Variants in AOAH observed in about 807,000 individuals in gnomAD.
AOAH encodes acyloxyacyl hydrolase (neutrophil).
Under a neutral mutation model 92.2 loss-of-function variants are expected in AOAH, and 64 were observed. The observed-to-expected ratio is 0.69, with a 90% CI of 0.57 to 0.86. AOAH has a LOEUF of 0.86. Among genes scored for constraint, AOAH ranks in the 40% least tolerant of loss-of-function variants. The pLI, the probability that AOAH is intolerant of heterozygous loss-of-function variation, is 0.00. For missense variants in AOAH, 656 were observed against 694.6 expected, an observed-to-expected ratio of 0.94 and a Z score of 0.62; for synonymous variants, 263 against 254.5, an observed-to-expected ratio of 1.03 and a Z score of -0.32.
intron 16 of AOAH, among the ~76,000 whole-genome samples, chr7:36,538,269 C>T (rs1785211559): frequency 6.6e-6 from 1 of 152,024 alleles, no homozygotes. Context: ...ACAGTTGATC[C>T]ACCCACCTCG....
chr7:36,687,875 C>T (rs1797136002), intron 1 of AOAH, among the ~76,000 whole-genome samples: 1 of 152,124 alleles, frequency 6.6e-6, no homozygotes, highest in South Asian at 2.1e-4. Flanking sequence ...ATTGGACATT[C>T]CTATACATAA....
chr7:36,610,937 A>G (rs1791409944), intron 11 of AOAH, among the ~76,000 whole-genome samples: 1 of 152,234 alleles, frequency 6.6e-6, no homozygotes, highest in African/African-American at 2.4e-5. Flanking sequence ...ACATAGCTCA[A>G]TTGAAAACAG....
chr7:36,557,619 C>T (rs1255629303), intron 13 of AOAH, among the ~76,000 whole-genome samples: 3 of 152,242 alleles, frequency 2.0e-5, no homozygotes, highest in Non-Finnish European at 4.4e-5. Context: ...CTTTCAGGTA[C>T]ACCAATCAGA....
chr7:36,631,250 G>A (rs1308379244), intron 6 of AOAH, among the ~76,000 whole-genome samples: 1 of 152,002 alleles, frequency 6.6e-6, no homozygotes, highest in African/African-American at 2.4e-5. Flanking sequence ...GGGTGGCTGA[G>A]GCAGGAGAAT....
intron 11 of AOAH, among the ~76,000 whole-genome samples, chr7:36,608,856 CAATA>C (rs1791189422): frequency 7.7e-6 from 1 of 130,670 alleles, no homozygotes; most frequent in African/African-American, 2.9e-5. Context: ...CCAGTTTGGA[CAATA>C]AATTATATGC....
intron 1 of AOAH, among the ~76,000 whole-genome samples, chr7:36,690,420 C>T (rs2116812955): frequency 6.6e-6 from 1 of 152,268 alleles, no homozygotes; most frequent in African/African-American, 2.4e-5. Context: ...GGCTCACCTC[C>T]CCTTCCAGTT....
rs1176694566 is a variant in AOAH, at chr7:36,532,271, C to T, written c.1365+15G>A. The T allele has an allele frequency of 6.2e-7, 1 of 1,613,992 alleles. No homozygotes were observed. Among genetic ancestry groups the T allele is most frequent in the African/African-American group, 1.3e-5 (1 of 74,916 alleles). On this transcript the variant is annotated intron_variant, in intron 17 of 20. Transcript: ENST00000617537. ...GTAGGTAAGCGGGCCTTGAAGCAAGCCAGTGAGTGCTCACCTGGAGGCAGT... is the reference window on the plus strand; with the variant it reads ...GTAGGTAAGCGGGCCTTGAAGCAAGTCAGTGAGTGCTCACCTGGAGGCAGT...
At chr7:36,538,272 C>G (rs1387616766) in intron 16 of AOAH, among the ~76,000 whole-genome samples, 1 of 152,008 alleles carries the variant, frequency 6.6e-6, no homozygotes, top group Non-Finnish European at 1.5e-5. Context: ...GTTGATCCAC[C>G]CACCTCGGCC....
chr7:36,572,285 G>A (rs1425300120), intron 13 of AOAH, among the ~76,000 whole-genome samples: 1 of 152,078 alleles, frequency 6.6e-6, no homozygotes, highest in Non-Finnish European at 1.5e-5. Flanking sequence ...GATTGCTTGA[G>A]CCCAAGAATT....
rs776920854 is a variant in AOAH at position 36,620,868 on chromosome 7, T to C, written c.654-39A>G. 10 of 1,594,136 alleles carry C rather than the reference T, an allele frequency of 6.3e-6. No homozygotes were observed. In the African/African-American group the frequency reaches 1.2e-4, roughly 19 times the overall value. ...ATTAACATTGGTCTTTGACATATGC[T>C]TGTCTCTCAGTGGATGTCAGTTTCA... On this transcript the variant is annotated intron_variant, in intron 8 of 20. Coordinates refer to ENST00000617537, the MANE Select transcript of AOAH (RefSeq NM_001637.4).
At chr7:36,631,972 A>G in intron 6 of AOAH, 64 bp downstream of exon 6, 1 of 1,314,312 alleles carries the variant, frequency 7.6e-7, no homozygotes, top group Non-Finnish European at 1.1e-6. Context: ...GTCATTAGAA[A>G]AGGGGGACAA....
intron 13 of AOAH, among the ~76,000 whole-genome samples, chr7:36,559,159 A>G (rs920074347): frequency 3.3e-4 from 50 of 152,230 alleles, no homozygotes; most frequent in African/African-American, 8.9e-4. Context: ...TGTTATGGGC[A>G]TCTAGGTTGA....
In AOAH at chr7:36,685,738, G is replaced by T. The variant is rs181157612; in HGVS notation, c.223+961C>A. On this transcript the variant is annotated intron_variant, in intron 2 of 20. Transcript: ENST00000617537. Reference sequence around the variant, plus strand: ...GCTGCCATGTTTTAACTTCACAAAAGAAAGATGTAATTATGATGTGAATAT... The same window carrying T: ...GCTGCCATGTTTTAACTTCACAAAATAAAGATGTAATTATGATGTGAATAT... 1.4e-3 allele frequency among the ~76,000 whole-genome samples: 210 copies of T among 152,266 alleles called. 7 individuals are homozygous for T. In the South Asian group the frequency reaches 0.044, roughly 32 times the overall value.
At chr7:36,635,032 A>G (rs924436160) in intron 5 of AOAH, among the ~76,000 whole-genome samples, 3 of 152,160 alleles carry the variant, frequency 2.0e-5, no homozygotes. Context: ...TTCATTACAT[A>G]GTATGGGAAA....
intron 13 of AOAH, among the ~76,000 whole-genome samples, chr7:36,554,544 G>A (rs558345389): frequency 3.3e-5 from 5 of 152,308 alleles, no homozygotes; most frequent in Admixed American, 2.0e-4. Context: ...GCTTGATGGC[G>A]ATGGCATTGA....
chr7:36,561,686 G>A (rs1167572905), intron 13 of AOAH, among the ~76,000 whole-genome samples: 2 of 152,148 alleles, frequency 1.3e-5, no homozygotes, highest in African/African-American at 2.4e-5. Flanking sequence ...TTCTCTTAAT[G>A]AGAAATGAAA....
intron 19 of AOAH, among the ~76,000 whole-genome samples, chr7:36,526,245 T>TAAGAC (rs1407042255): frequency 6.6e-6 from 1 of 151,742 alleles, no homozygotes; most frequent in African/African-American, 2.4e-5. Context: ...ACCTGTTTAT[T>TAAGAC]TACAGAGGTA....
Position 36,621,718 on chromosome 7 carries a change from T to G in AOAH, c.645A>C (p.Pro215=). Residue 215 remains proline, a synonymous_variant, in exon 8 of 21, where the codon CCA becomes CCC. Coordinates refer to ENST00000617537, the MANE Select transcript of AOAH (RefSeq NM_001637.4). ...CCAGCAGAAATAGTTACCTTCTACC[T>G]GGGTACACTGACTCGTCGCTGTCAT... ...DCNDSDESVY[P]GRRPNNWDVH... The G allele has an allele frequency of 6.2e-7, 1 of 1,614,112 alleles. No homozygotes were observed. The highest frequency in any genetic ancestry group is 8.5e-7 in the Non-Finnish European group (1 of 1,179,976).
rs375637039 is a variant in AOAH, at chr7:36,540,368, T to G, written c.1257A>C (p.Pro419=). 3 of 1,614,044 alleles carry G rather than the reference T, an allele frequency of 1.9e-6. No individual in the cohort carries two copies. Among genetic ancestry groups the G allele is most frequent in the Non-Finnish European group, 2.5e-6 (3 of 1,179,934 alleles). The part of the protein sequence containing the change: ...NGSHVILYGL[P]DGTFLWDNLH... ...AATTATCCCAGAGAAAGGTTCCATC[T>G]GGTAAGCCATACAAAATAACATGGC... Residue 419 remains proline, a synonymous_variant, in exon 16 of 21, where the codon CCA becomes CCC. Coordinates refer to ENST00000617537, the MANE Select transcript of AOAH (RefSeq NM_001637.4).
Sources: allele counts gnomAD v4.1 joint callset (sites outside exome capture counted in the v4.1 genomes callset), GRCh38; gene constraint gnomAD v4.1.1; transcripts MANE v1.5; gene names NCBI Gene and HGNC (gene_info 2026-07-23, HGNC 2026-07-21).